Variants in GRID1 observed in about 807,000 individuals in gnomAD.
The protein encoded by GRID1 is glutamate ionotropic receptor delta type subunit 1, also known as glutamate receptor ionotropic, delta-1.
In GRID1, 28 loss-of-function variants were observed where a neutral mutation model predicts 98.0. The observed-to-expected ratio is 0.29, with a 90% confidence interval of 0.21 to 0.39. The LOEUF (loss-of-function observed/expected upper bound fraction) is 0.39, where lower values mean the gene tolerates loss of function less well. GRID1 is among the 10% of genes least tolerant of loss of function. The probability of loss-of-function intolerance (pLI) is 1.00; values close to 1 mark genes in which losing one functional copy is unlikely to be tolerated. For synonymous variants in GRID1, 553 were observed against 538.5 expected (o/e 1.03, Z -0.37); for missense variants, 1,111 against 1,340.5 (o/e 0.83, Z 2.67).
At position 85,869,127 on chromosome 10, in the gene GRID1, C is replaced by A; in HGVS notation, c.834G>T (p.Met278Ile). 6.2e-7 allele frequency: 1 copy of A among 1,614,024 alleles called. No individual in the cohort carries two copies. Among genetic ancestry groups the A allele is most frequent in the Non-Finnish European group, 8.5e-7 (1 of 1,179,892 alleles). The part of the protein sequence containing the change: ...LDLVHSALGR[M>I]TVVRQIFPSA... Reference sequence around the variant, plus strand: ...ACGGAAAGATTTGCCGGACCACGGTCATCCTTCCAAGGGCACTATGGACCA... The same window carrying A: ...ACGGAAAGATTTGCCGGACCACGGTAATCCTTCCAAGGGCACTATGGACCA... Residue 278 changes from methionine (M) to isoleucine (I), a missense_variant, in exon 6 of 16, where the codon ATG becomes ATT. Physicochemically the swap from Met to Ile is conservative, Grantham distance 10 (BLOSUM62 1). Around this residue, in one of 3 missense-constraint regions of GRID1, gnomAD observed 346 missense variants for 452.3 expected, o/e 0.76. Coordinates refer to ENST00000327946, the MANE Select transcript of GRID1 (RefSeq NM_017551.3).
chr10:85,898,431 AAATT>A (rs775559114), intron 5 of GRID1, among the ~76,000 whole-genome samples: 1 of 152,250 alleles, frequency 6.6e-6, no homozygotes, highest in Non-Finnish European at 1.5e-5. Flanking sequence ...CTTCAAAAAT[AAATT>A]AACTTTAACT....
At chr10:85,609,662 C>G (rs778349029) in intron 15 of GRID1, among the ~76,000 whole-genome samples, 1 of 152,210 alleles carries the variant, frequency 6.6e-6, no homozygotes, top group Non-Finnish European at 1.5e-5. Context: ...CCCGGCCACC[C>G]TGGCCTCAGC....
intron 8 of GRID1, among the ~76,000 whole-genome samples, chr10:85,788,164 G>GA (rs901565727): frequency 7.9e-5 from 12 of 151,796 alleles, no homozygotes; most frequent in Admixed American, 6.6e-4. Context: ...GAATGAGGGG[G>GA]AAAAAAAATC....
intron 8 of GRID1, among the ~76,000 whole-genome samples, chr10:85,841,148 C>A (rs879205404): frequency 6.6e-6 from 1 of 152,038 alleles, no homozygotes; most frequent in Non-Finnish European, 1.5e-5. Flanking sequence ...GACATCTATA[C>A]CAAAAGAACA....
intron 8 of GRID1, among the ~76,000 whole-genome samples, chr10:85,809,535 A>G (rs1162546005): frequency 6.6e-6 from 1 of 152,230 alleles, no homozygotes; most frequent in Non-Finnish European, 1.5e-5. Context: ...AGGATGGATG[A>G]CTTTCAGAAC....
chr10:86,327,253 A>G (rs1848064632), intron 2 of GRID1, among the ~76,000 whole-genome samples: 1 of 152,210 alleles, frequency 6.6e-6, no homozygotes, highest in Non-Finnish European at 1.5e-5. Context: ...TTTGAGTTAG[A>G]TATGGAGCCT....
intron 8 of GRID1, among the ~76,000 whole-genome samples, chr10:85,848,914 G>T (rs1050375998): frequency 1.3e-5 from 2 of 152,176 alleles, no homozygotes; most frequent in Admixed American, 6.5e-5. Flanking sequence ...TCCATGAAGA[G>T]ACTCAAGTTT....
chr10:85,916,238 G>A lies in GRID1; in HGVS notation c.728C>T (p.Ala243Val). 1 of 1,611,498 alleles carries A rather than the reference G, an allele frequency of 6.2e-7. No individual in the cohort carries two copies. Among genetic ancestry groups the A allele is most frequent in the South Asian group, 1.1e-5 (1 of 91,010 alleles). The change falls in exon 5 of 16, where the codon GCC becomes GTC. Residue 243 changes from alanine to valine, a missense_variant and splice_region_variant. Coordinates refer to ENST00000327946, the MANE Select transcript of GRID1 (RefSeq NM_017551.3). The surrounding 1 kb of genome is among the most constrained non-coding windows in gnomAD (Gnocchi z 4.0). ...PQGAHSFINE[A>V]VETNLASKDS... ...CTTGGAAGCCAGGTTGGTCTCCACG[G>A]CCTGCAGAGAGAAAAAGAACGAACA...
Position 85,854,479 on chromosome 10 carries a change from G to A in GRID1, c.1233+17C>T. 8 of 1,612,878 alleles carry A rather than the reference G, an allele frequency of 5.0e-6. No individual in the cohort carries two copies. Among genetic ancestry groups the A allele is most frequent in the Non-Finnish European group, 5.9e-6 (7 of 1,179,012 alleles). ...ACCATAGCAGGAAGATTGGAAGACA[G>A]GGAGCCTGAGGCTTACCTTGCGCAT... On this transcript the variant is annotated intron_variant, in intron 8 of 15. Transcript: ENST00000327946.
At chr10:86,064,654 T>C (rs1589358221) in intron 4 of GRID1, among the ~76,000 whole-genome samples, 1 of 152,322 alleles carries the variant, frequency 6.6e-6, no homozygotes, top group East Asian at 1.9e-4. Flanking sequence ...GGCCCTTCCC[T>C]GCTACCTCTC....
intron 8 of GRID1, among the ~76,000 whole-genome samples, chr10:85,779,235 G>A (rs995037495): frequency 2.0e-5 from 3 of 152,054 alleles, no homozygotes; most frequent in East Asian, 1.9e-4. Flanking sequence ...CTCAGTCTAC[G>A]AAGGCCTCCA....
chr10:86,311,155 C>T (rs1462641767), intron 2 of GRID1, among the ~76,000 whole-genome samples: 1 of 152,168 alleles, frequency 6.6e-6, no homozygotes, highest in Non-Finnish European at 1.5e-5. Flanking sequence ...GTTCAATCCT[C>T]CAAGAGCCTA....
intron 8 of GRID1, among the ~76,000 whole-genome samples, chr10:85,828,502 G>A (rs902672250): frequency 6.6e-6 from 1 of 151,786 alleles, no homozygotes; most frequent in Non-Finnish European, 1.5e-5. Flanking sequence ...AACAAATCCA[G>A]GAGTTCATTA....
In GRID1 at chr10:85,600,497, T is replaced by C. The variant is rs1357187792; in HGVS notation, c.*1776A>G. ...CATAAATACATCTCTCTAGAAACTC[T>C]ACAAGGCTATAGAAGAAGCAATCAA... is the stretch of plus-strand genomic sequence containing the variant. On this transcript the variant is annotated 3_prime_UTR_variant, in exon 16 of 16. Transcript: ENST00000327946. 6.6e-6 allele frequency: 1 copy of C among 152,186 alleles called. No individual in the cohort carries two copies. Among genetic ancestry groups the C allele is most frequent in the African/African-American group, 2.4e-5 (1 of 41,434 alleles). The allele number at this position is 152,186 out of a possible 1,614,324, so 9.4% of individuals were successfully genotyped here.
At chr10:85,791,668 C>T (rs1286097460) in intron 8 of GRID1, among the ~76,000 whole-genome samples, 1 of 152,088 alleles carries the variant, frequency 6.6e-6, no homozygotes, top group African/African-American at 2.4e-5. Flanking sequence ...GAAAATGTAA[C>T]AATCGATCAC....
intron 3 of GRID1, among the ~76,000 whole-genome samples, chr10:86,193,935 C>T (rs544016141): frequency 6.6e-6 from 1 of 152,114 alleles, no homozygotes; most frequent in Admixed American, 6.5e-5. Context: ...GAGCTGCTGC[C>T]GACCTAAGTG....
chr10:85,753,961 A>G (rs1408024534), intron 8 of GRID1, among the ~76,000 whole-genome samples: 2 of 152,258 alleles, frequency 1.3e-5, no homozygotes, highest in Non-Finnish European at 2.9e-5. Flanking sequence ...CCATTCCCCT[A>G]TAAGCACCAG....
chr10:86,167,921 G>A (rs1040012571), intron 3 of GRID1, among the ~76,000 whole-genome samples: 4 of 152,168 alleles, frequency 2.6e-5, no homozygotes. Flanking sequence ...GAGGCACCAG[G>A]CCAGGCTCAC....
chr10:86,310,696 C>T (rs962270372), intron 2 of GRID1, among the ~76,000 whole-genome samples: 1 of 152,226 alleles, frequency 6.6e-6, no homozygotes, highest in African/African-American at 2.4e-5. Flanking sequence ...CAAACCTAGA[C>T]AGACATGCCT....
Sources: gnomAD v4.1 joint callset for allele counts (sites outside exome capture counted in the v4.1 genomes callset) on GRCh38, gnomAD v4.1.1 for gene constraint, gnomAD v4.1.1 regional missense constraint, Gnocchi (gnomAD v3.1) non-coding constraint, MANE v1.5 for transcripts, NCBI Gene and HGNC (gene_info 2026-07-23, HGNC 2026-07-21) for gene names.